Variants in STRIP1 observed in about 807,000 individuals in gnomAD.
The protein encoded by STRIP1 is striatin-interacting protein 1.
A neutral mutation model predicts 106.2 loss-of-function variants in STRIP1; 63 were observed. The observed-to-expected ratio is 0.59, with a 90% CI of 0.48 to 0.73. STRIP1 has a LOEUF of 0.73. Among genes scored for constraint, STRIP1 ranks in the 30% least tolerant of loss-of-function variants. STRIP1 has a pLI of 0.00. For missense variants in STRIP1, 857 were observed against 1,074.8 expected, an observed-to-expected ratio of 0.80 and a Z score of 2.83; for synonymous variants, 390 against 413.0, an observed-to-expected ratio of 0.94 and a Z score of 0.67.
intron 12 of STRIP1, 76 bp downstream of exon 12, chr1:110,045,154 C>G (rs993219896): frequency 2.9e-6 from 4 of 1,358,272 alleles, no homozygotes; most frequent in Non-Finnish European, 4.2e-6. Context: ...AGGGAGAAGC[C>G]TTTTAAGACT....
intron 13 of STRIP1, among the ~76,000 whole-genome samples, 158 bp downstream of exon 13, chr1:110,046,909 C>G (rs900749931): frequency 2.6e-5 from 4 of 151,912 alleles, no homozygotes; most frequent in Non-Finnish European, 5.9e-5. Flanking sequence ...AATTAGCCAG[C>G]CGTGGTGGCG....
rs1331038733 is a variant in STRIP1 at position 110,039,664 on chromosome 1, A to C, written c.581+149A>C. ...TCTGACCACCTGGGTTGAATAACGG[A>C]GTTGGTCACTTACACCTTGAAGATT... On this transcript the variant is annotated intron_variant, in intron 5 of 20. Coordinates refer to ENST00000369795, the MANE Select transcript of STRIP1 (RefSeq NM_033088.4). 3.7e-6 allele frequency: 4 copies of C among 1,076,918 alleles called. No individual in the cohort carries two copies. In the South Asian group the frequency reaches 6.1e-5, roughly 16 times the overall value. 66.7% of individuals were successfully genotyped at this position (1,076,918 alleles called of 1,614,324 possible).
chr1:110,041,272 C>A, intron 6 of STRIP1: 1 of 305,500 alleles, frequency 3.3e-6, no homozygotes, highest in South Asian at 5.5e-5. Flanking sequence ...TCCTGCTTTC[C>A]ATTTCCTCAT....
chr1:110,036,042 A>G (rs1652436594), intron 1 of STRIP1, among the ~76,000 whole-genome samples: 1 of 152,352 alleles, frequency 6.6e-6, no homozygotes, highest in Non-Finnish European at 1.5e-5. Context: ...GGGTGAACCT[A>G]CCTTCATCAT....
At chr1:110,034,465 A>G (rs1368852693), upstream of STRIP1, among the ~76,000 whole-genome samples, 1 of 152,208 alleles carries the variant, frequency 6.6e-6, no homozygotes, top group East Asian at 1.9e-4. Context: ...AAAAAGATCA[A>G]CAAGGGAAGG....
intron 5 of STRIP1, chr1:110,040,012 C>T (rs945332980): frequency 3.7e-5 from 27 of 725,320 alleles, no homozygotes; most frequent in Non-Finnish European, 4.4e-5. Context: ...CTGTGTGTCC[C>T]GGGCATTGTT....
In STRIP1 at chr1:110,038,071, AATATATATATATATATATATATAT is replaced by A. The variant is rs3085770; in HGVS notation, c.250+130_250+153del. 2.5e-3 allele frequency: 326 copies of A among 130,370 alleles called. 10 individuals carry two copies. The highest frequency in any genetic ancestry group is 0.012 in the African/African-American group (267 of 22,428). 8.1% of individuals were successfully genotyped at this position (130,370 alleles called of 1,614,324 possible). ...TTCATTGCTTTCCCTAGTTCTATCA[AATATATATATATATATATATATAT>A]ATATATATATATATATATGTATAAA... On this transcript the variant is annotated intron_variant, in intron 2 of 20. Transcript: ENST00000369795.
Position 110,047,824 on chromosome 1 carries a change from C to T in STRIP1, c.1616C>T (p.Thr539Ile). 1 of 1,568,950 alleles carries T rather than the reference C, an allele frequency of 6.4e-7. No individual in the cohort carries two copies. The highest frequency in any genetic ancestry group is 1.3e-5 in the African/African-American group (1 of 74,130). ...GCAGCACCCACCTCAAAAGCCAAAA[C>T]AGACTCAATCAACATCCTAGCGGAC... ...LAAAPTSKAK[T>I]DSINILADVL... Residue 539 changes from threonine to isoleucine, a missense_variant, in exon 15 of 21, where the codon ACA becomes ATA. Transcript: ENST00000369795.
At chr1:110,037,489 A>G (rs972785259) in intron 1 of STRIP1, among the ~76,000 whole-genome samples, 5 of 152,240 alleles carry the variant, frequency 3.3e-5, no homozygotes, top group African/African-American at 1.2e-4. Flanking sequence ...TCATAGCATC[A>G]TATGGAATGG....
intron 16 of STRIP1, 109 bp from the exon 17 acceptor site, chr1:110,049,351 A>G (rs1352909293): frequency 6.4e-7 from 1 of 1,570,398 alleles, no homozygotes; most frequent in South Asian, 1.1e-5. Context: ...CTCTGCATGA[A>G]TGTTCTAAGA....
chr1:110,049,908 T>C (rs1653211472), intron 17 of STRIP1: 1 of 310,374 alleles, frequency 3.2e-6, no homozygotes, highest in Admixed American at 4.7e-5. Context: ...TGCCTTGTAA[T>C]GCCCTATCTG....
upstream of STRIP1, among the ~76,000 whole-genome samples, chr1:110,032,631 T>C (rs1652248557): frequency 6.6e-6 from 1 of 152,190 alleles, no homozygotes; most frequent in Non-Finnish European, 1.5e-5. Flanking sequence ...TTTATGAAAG[T>C]GATACAGCCA....
At position 110,044,904 on chromosome 1, in the gene STRIP1, A is replaced by T. The variant is rs1007067601; in HGVS notation, c.1351A>T (p.Ser451Cys). ...CAAATTTATAGGTTACACTCTAGGC[A>T]GGTGAGTAAAAGCCGAGTTCATTTT... ...RSKFIGYTLG[S>C]DTNTVVGLPR... Residue 451 changes from serine to cysteine, a missense_variant and splice_region_variant, in exon 11 of 21, where the codon AGT (serine) becomes TGT (cysteine). By Grantham distance (112) the Ser-to-Cys change is moderately radical (BLOSUM62 -1). Transcript: ENST00000369795. 1 of 1,614,088 alleles carries T rather than the reference A, an allele frequency of 6.2e-7. No individual in the cohort carries two copies. The highest frequency in any genetic ancestry group is 8.5e-7 in the Non-Finnish European group (1 of 1,180,030).
intron 1 of STRIP1, among the ~76,000 whole-genome samples, chr1:110,037,623 G>T (rs189958389): frequency 4.6e-5 from 7 of 152,278 alleles, no homozygotes; most frequent in Non-Finnish European, 2.9e-5. Flanking sequence ...GAAATCATTG[G>T]TAAGTTAAAT....
chr1:110,034,688 G>A lies in STRIP1; in HGVS notation c.51G>A (p.Gln17=). 2 of 1,516,926 alleles carry A rather than the reference G, an allele frequency of 1.3e-6. No homozygotes were observed. The highest frequency in any genetic ancestry group is 2.8e-5 in the East Asian group (1 of 35,926). The allele number at this position is 1,516,926 out of a possible 1,614,324, so 94.0% of individuals were successfully genotyped here. ...GPGPLIVNNK[Q]PQPPPPPPPA... ...GCCCACTGATCGTGAACAACAAACA[G>A]CCCCAGCCCCCGCCACCTCCGCCGC... is the stretch of plus-strand genomic sequence containing the variant. The change falls in exon 1 of 21, where the codon CAG becomes CAA. Residue 17 remains glutamine, a synonymous_variant. Coordinates refer to ENST00000369795, the MANE Select transcript of STRIP1 (RefSeq NM_033088.4).
chr1:110,042,997 A>G, intron 8 of STRIP1, 91 bp from the exon 9 acceptor site: 1 of 1,270,388 alleles, frequency 7.9e-7, no homozygotes, highest in Non-Finnish European at 1.1e-6. Context: ...ATGGGTCATG[A>G]TGTCATGAAT....
chr1:110,049,010 G>A, intron 15 of STRIP1, 102 bp from the exon 16 acceptor site: 1 of 1,381,050 alleles, frequency 7.2e-7, no homozygotes, highest in Non-Finnish European at 1.0e-6. Context: ...GGGGAGGTAG[G>A]AGTCTTTGCC....
In STRIP1 at chr1:110,047,615, T is replaced by C. The variant is rs981934382; in HGVS notation, c.1562T>C (p.Met521Thr). The C allele has an allele frequency of 3.7e-6, 6 of 1,607,790 alleles. No individual in the cohort carries two copies. Among genetic ancestry groups the C allele is most frequent in the Non-Finnish European group, 5.1e-6 (6 of 1,176,882 alleles). ...QGLLPSLPQYMIALLKILLAA... is the reference protein window; with the variant it reads ...QGLLPSLPQYTIALLKILLAA... ...TTGCTCCCCAGCCTGCCTCAGTATA[T>C]GGTGAGTGGTGCCTGCAGTGGGACA... The change falls in exon 14 of 21, where the codon ATG (methionine) becomes ACG (threonine). Residue 521 changes from methionine to threonine, a missense_variant and splice_region_variant. Transcript: ENST00000369795.
upstream of STRIP1, among the ~76,000 whole-genome samples, chr1:110,034,381 T>C (rs1306353968): frequency 1.3e-5 from 2 of 152,206 alleles, no homozygotes; most frequent in African/African-American, 2.4e-5. Context: ...GTAACTAAAC[T>C]GACTGAAGAA....
Sources: gnomAD v4.1 joint callset for allele counts (sites outside exome capture counted in the v4.1 genomes callset) on GRCh38, gnomAD v4.1.1 for gene constraint, MANE v1.5 for transcripts, NCBI Gene and HGNC (gene_info 2026-07-23, HGNC 2026-07-21) for gene names.